Variants in DLG2 observed in about 807,000 individuals in gnomAD.
The protein encoded by DLG2 is discs large MAGUK scaffold protein 2, also known as disks large homolog 2.
A neutral mutation model predicts 132.5 loss-of-function variants in DLG2; 45 were observed. The ratio of observed to expected loss-of-function variants is 0.34; its 90% CI spans 0.27 to 0.44. DLG2 has a LOEUF of 0.44. Ranked by LOEUF, DLG2 falls within the 20% of genes least tolerant of loss-of-function variation. The pLI, the probability that DLG2 is intolerant of heterozygous loss-of-function variation, is 1.00. For missense variants in DLG2, 1,045 were observed against 1,196.9 expected, an observed-to-expected ratio of 0.87 and a Z score of 1.87; for synonymous variants, 424 against 419.6, an observed-to-expected ratio of 1.01 and a Z score of -0.13.
intron 6 of DLG2, among the ~76,000 whole-genome samples, chr11:84,847,888 G>A (rs893404507): frequency 2.6e-5 from 4 of 152,076 alleles, no homozygotes; most frequent in African/African-American, 9.7e-5. Context: ...ACAGGAAGCT[G>A]ACAAAGTTTT....
chr11:84,712,053 C>T (rs1810102296), intron 6 of DLG2, among the ~76,000 whole-genome samples: 2 of 152,044 alleles, frequency 1.3e-5, no homozygotes, highest in South Asian at 4.1e-4. Flanking sequence ...TTAAGTATTA[C>T]ATGCCATAAG....
intron 7 of DLG2, among the ~76,000 whole-genome samples, chr11:84,457,416 A>C (rs941530449): frequency 6.6e-6 from 1 of 151,074 alleles, no homozygotes; most frequent in Non-Finnish European, 1.5e-5. Flanking sequence ...GTAAAAATAC[A>C]AAATGTTTTG....
intron 21 of DLG2, among the ~76,000 whole-genome samples, chr11:83,498,309 C>A (rs1205592487): frequency 6.6e-6 from 1 of 151,978 alleles, no homozygotes; most frequent in Non-Finnish European, 1.5e-5. Context: ...TAGTAATAGA[C>A]ACACTTTCCC....
chr11:83,522,572 C>A (rs1270063241), intron 21 of DLG2, among the ~76,000 whole-genome samples: 3 of 151,928 alleles, frequency 2.0e-5, no homozygotes, highest in African/African-American at 7.3e-5. Context: ...CATGATTTTT[C>A]TCCTAATACA....
intron 8 of DLG2, among the ~76,000 whole-genome samples, chr11:84,203,276 T>C (rs1011929313): frequency 3.9e-5 from 6 of 152,064 alleles, no homozygotes; most frequent in Non-Finnish European, 8.8e-5. Flanking sequence ...TGGAATACTA[T>C]GCAGCCATAA....
At chr11:84,254,393 A>G (rs2097432696) in intron 7 of DLG2, among the ~76,000 whole-genome samples, 1 of 152,172 alleles carries the variant, frequency 6.6e-6, no homozygotes, top group South Asian at 2.1e-4. Flanking sequence ...ATGTCTAAAA[A>G]TTGGCAAGTA....
intron 21 of DLG2, among the ~76,000 whole-genome samples, chr11:83,527,148 G>C (rs548146176): frequency 1.3e-5 from 2 of 152,190 alleles, no homozygotes; most frequent in Non-Finnish European, 2.9e-5. Context: ...CCTTCAGAAA[G>C]ATGTGCATCA....
At chr11:84,197,995 A>G (rs185449080) in intron 8 of DLG2, among the ~76,000 whole-genome samples, 2 of 152,154 alleles carry the variant, frequency 1.3e-5, no homozygotes, top group African/African-American at 2.4e-5. Flanking sequence ...TAAATATGTA[A>G]TATTAAGATA....
intron 6 of DLG2, among the ~76,000 whole-genome samples, chr11:84,983,416 G>A (rs1431687751): frequency 1.3e-5 from 2 of 152,056 alleles, no homozygotes; most frequent in African/African-American, 2.4e-5. Context: ...CGGCTCTCAG[G>A]AAGCCACATC....
chr11:85,228,269 C>G (rs1322577263), intron 4 of DLG2, among the ~76,000 whole-genome samples: 2 of 151,968 alleles, frequency 1.3e-5, no homozygotes, highest in African/African-American at 4.8e-5. Context: ...GAAGAGCTAG[C>G]AAGTTCTGCT....
chr11:85,203,393 T>C (rs2081611655), intron 4 of DLG2, among the ~76,000 whole-genome samples: 1 of 151,698 alleles, frequency 6.6e-6, no homozygotes. Flanking sequence ...ACCACAGAAA[T>C]ACAAAGGATC....
chr11:85,348,123 C>G (rs1263136378), intron 3 of DLG2, among the ~76,000 whole-genome samples: 1 of 151,384 alleles, frequency 6.6e-6, no homozygotes, highest in Non-Finnish European at 1.5e-5. Flanking sequence ...ATAGCTGGGA[C>G]TACACGCGCA....
intron 11 of DLG2, among the ~76,000 whole-genome samples, chr11:84,016,950 G>A (rs1215192345): frequency 2.0e-5 from 3 of 152,042 alleles, no homozygotes; most frequent in East Asian, 3.9e-4. Flanking sequence ...ATAGAGGAGA[G>A]TATTCCCCAA....
At chr11:85,169,882 T>C (rs951525384) in intron 4 of DLG2, among the ~76,000 whole-genome samples, 1 of 152,160 alleles carries the variant, frequency 6.6e-6, no homozygotes, top group African/African-American at 2.4e-5. Context: ...TTAATTCAAG[T>C]GCTAAGCATG....
intron 18 of DLG2, among the ~76,000 whole-genome samples, chr11:83,754,033 A>G (rs1036613465): frequency 3.3e-5 from 5 of 149,460 alleles, no homozygotes; most frequent in African/African-American, 1.0e-4. Context: ...CCCATCCCCA[A>G]TTCCCCAGTG....
chr11:84,563,332 G>C (rs920186717), intron 6 of DLG2, among the ~76,000 whole-genome samples: 2 of 152,138 alleles, frequency 1.3e-5, no homozygotes. Context: ...GTACTATTGT[G>C]ATTTATGTTG....
intron 4 of DLG2, among the ~76,000 whole-genome samples, chr11:85,188,734 G>C (rs926741603): frequency 6.6e-6 from 1 of 152,100 alleles, no homozygotes; most frequent in Non-Finnish European, 1.5e-5. Context: ...AAACTCACTA[G>C]AGAGACTCAA....
intron 11 of DLG2, among the ~76,000 whole-genome samples, chr11:83,997,528 A>C (rs1272669251): frequency 6.6e-6 from 1 of 151,972 alleles, no homozygotes; most frequent in Non-Finnish European, 1.5e-5. Context: ...TGGGGTCAGG[A>C]GACCAGCCTG....
chr11:83,885,786 C>A (rs1236332286), intron 15 of DLG2, among the ~76,000 whole-genome samples: 1 of 152,094 alleles, frequency 6.6e-6, no homozygotes, highest in African/African-American at 2.4e-5. Context: ...AGAGTGGGGG[C>A]CAATATTCAA....
Sources: gnomAD v4.1 joint callset for allele counts (sites outside exome capture counted in the v4.1 genomes callset) on GRCh38, gnomAD v4.1.1 for gene constraint, MANE v1.5 for transcripts, NCBI Gene and HGNC (gene_info 2026-07-23, HGNC 2026-07-21) for gene names.